ULK4: variants seen among roughly 807,000 people sequenced by gnomAD.
ULK4 encodes the protein inactive serine/threonine-protein kinase ULK4.
ULK4 carries 133 observed loss-of-function variants against 160.6 expected under a neutral mutation model. The ratio of observed to expected loss-of-function variants is 0.83; its 90% CI spans 0.72 to 0.96. The LOEUF (loss-of-function observed/expected upper bound fraction) is 0.96. Among genes scored for constraint, ULK4 ranks in the 40% least tolerant of loss-of-function variants. ULK4 has a pLI of 0.00. For synonymous variants in ULK4, 534 were observed against 539.8 expected (o/e 0.99, Z 0.15); for missense variants, 1,580 against 1,499.5 (o/e 1.05, Z -0.89).
At chr3:41,278,930 A>C (rs1361256771) in intron 35 of ULK4, among the ~76,000 whole-genome samples, 1 of 152,182 alleles carries the variant, frequency 6.6e-6, no homozygotes, top group Admixed American at 6.5e-5. Context: ...GCGGAAAAAA[A>C]CTGGATGGAG....
At chr3:41,353,485 C>T (rs1390930410) in intron 35 of ULK4, among the ~76,000 whole-genome samples, 2 of 151,446 alleles carry the variant, frequency 1.3e-5, no homozygotes, top group African/African-American at 2.4e-5. Context: ...GGCAACATAG[C>T]GAGAGCCCAT....
rs35966217 is a variant in ULK4 at position 41,761,285 on chromosome 3, GTATA to G, written c.2194-6801_2194-6798del. Among the ~76,000 whole-genome samples, 583 of 147,200 alleles carry G rather than the reference GTATA, an allele frequency of 4.0e-3. 15 individuals carry two copies. Among genetic ancestry groups the G allele is most frequent in the Admixed American group, 0.03 (439 of 14,692 alleles). On this transcript the variant is annotated intron_variant, in intron 21 of 36. Coordinates refer to ENST00000301831, the MANE Select transcript of ULK4 (RefSeq NM_017886.4). ...AATTTAAAAATTAAAAAATAATATA[GTATA>G]TATAATATACACATAAAATACATTA...
intron 32 of ULK4, among the ~76,000 whole-genome samples, chr3:41,528,255 G>A (rs1260434424): frequency 3.9e-5 from 6 of 152,118 alleles, no homozygotes; most frequent in Non-Finnish European, 7.4e-5. Context: ...ATTCAAGCTG[G>A]AAATCACTTT....
intron 4 of ULK4, among the ~76,000 whole-genome samples, chr3:41,934,053 A>G (rs529486444): frequency 6.6e-6 from 1 of 152,126 alleles, no homozygotes; most frequent in African/African-American, 2.4e-5. Flanking sequence ...AAATAATAAT[A>G]AAATAAAAAA....
intron 1 of ULK4, among the ~76,000 whole-genome samples, chr3:41,956,153 T>C (rs62257276): frequency 0.033 from 5,053 of 152,338 alleles, 113 homozygotes; most frequent in Middle Eastern, 0.051. Context: ...GGCGTAGTCT[T>C]GGTTTGCAAC....
chr3:41,629,829 A>C (rs1575500998), intron 30 of ULK4, among the ~76,000 whole-genome samples: 1 of 85,672 alleles, frequency 1.2e-5, no homozygotes, highest in African/African-American at 6.8e-5. Flanking sequence ...GGTCTCTATA[A>C]AAAAAAAAAA....
At chr3:41,420,411 T>G (rs568444437) in intron 34 of ULK4, among the ~76,000 whole-genome samples, 2 of 151,660 alleles carry the variant, frequency 1.3e-5, no homozygotes, top group East Asian at 1.9e-4. Context: ...ACCTTTATTT[T>G]TGGCCATTTT....
intron 35 of ULK4, among the ~76,000 whole-genome samples, chr3:41,380,731 T>C (rs1243394540): frequency 1.3e-5 from 2 of 152,120 alleles, no homozygotes; most frequent in African/African-American, 4.8e-5. Context: ...TGGGCTCTCA[T>C]CTCTATGAGG....
intron 35 of ULK4, among the ~76,000 whole-genome samples, chr3:41,318,876 T>C (rs4973938): frequency 0.16 from 23,591 of 152,194 alleles, 2,190 homozygotes; most frequent in African/African-American, 0.25. Context: ...CTTTATAACC[T>C]GTAAAAGATG....
intron 22 of ULK4, among the ~76,000 whole-genome samples, chr3:41,719,689 T>C (rs1373784810): frequency 6.6e-6 from 1 of 152,176 alleles, no homozygotes; most frequent in Non-Finnish European, 1.5e-5. Flanking sequence ...CCTGGACTAT[T>C]ACAATAGGCT....
At chr3:41,657,835 A>AAAAAAAAAAAAAAAAAAAAAC (rs2035000764) in intron 30 of ULK4, among the ~76,000 whole-genome samples, 1 of 142,612 alleles carries the variant, frequency 7.0e-6, no homozygotes, top group African/African-American at 2.5e-5. Flanking sequence ...AAAAAAAAAA[A>AAAAAAAAAAAAAAAAAAAAAC]CACACACCAC....
chr3:41,606,862 C>A (rs921599078), intron 31 of ULK4, among the ~76,000 whole-genome samples: 4 of 152,028 alleles, frequency 2.6e-5, no homozygotes, highest in Admixed American at 2.0e-4. Flanking sequence ...GGACATTAGT[C>A]CCTTGTTGGA....
intron 16 of ULK4, among the ~76,000 whole-genome samples, chr3:41,892,503 T>C (rs1364376177): frequency 6.6e-6 from 1 of 152,202 alleles, no homozygotes; most frequent in Non-Finnish European, 1.5e-5. Flanking sequence ...CAACGGAATA[T>C]TATTCAGCCT....
In ULK4 at chr3:41,405,756, G is replaced by A. The variant is rs533161751; in HGVS notation, c.3493-7492C>T. Among the ~76,000 whole-genome samples the A allele has an allele frequency of 6.6e-5, 10 of 151,972 alleles. No individual in the cohort carries two copies. The East Asian group carries it at 9.6e-4, about 15-fold the overall frequency. ...GCACTTTTTCATATGCTTCTTGGCC[G>A]CTTGTATGTCTTCTTTTAAGAAATG... is the stretch of plus-strand genomic sequence containing the variant. On this transcript the variant is annotated intron_variant, in intron 34 of 36. Transcript: ENST00000301831.
At chr3:41,559,880 C>T (rs532202155) in intron 32 of ULK4, among the ~76,000 whole-genome samples, 5 of 152,170 alleles carry the variant, frequency 3.3e-5, no homozygotes, top group Admixed American at 2.6e-4. Flanking sequence ...AATTAGATCA[C>T]ATCTGTCTAT....
intron 21 of ULK4, among the ~76,000 whole-genome samples, chr3:41,763,327 G>C (rs1384265543): frequency 6.6e-6 from 1 of 152,148 alleles, no homozygotes; most frequent in Non-Finnish European, 1.5e-5. Flanking sequence ...AGAAATCAAT[G>C]AGGTGGGAAA....
At chr3:41,859,318 A>G (rs951007204) in intron 17 of ULK4, 1 of 589,046 alleles carries the variant, frequency 1.7e-6, no homozygotes, top group Non-Finnish European at 3.3e-6. Flanking sequence ...CGTGACCTCA[A>G]AGACTGAGCA....
At chr3:41,625,051 G>A (rs954195567) in intron 30 of ULK4, among the ~76,000 whole-genome samples, 1 of 152,160 alleles carries the variant, frequency 6.6e-6, no homozygotes, top group Non-Finnish European at 1.5e-5. Flanking sequence ...AGCAAGTAAG[G>A]AAGAAGGGTG....
rs571686049 is a variant in ULK4, at chr3:41,484,513, T to C, written c.3227-21260A>G. On this transcript the variant is annotated intron_variant, in intron 32 of 36. Transcript: ENST00000301831. Reference sequence around the variant, plus strand: ...TGTCACCCAGGCTGGAGTGCAGTGGTGCAATCTCGGCTCACTGCAAGCTCC... The same window carrying C: ...TGTCACCCAGGCTGGAGTGCAGTGGCGCAATCTCGGCTCACTGCAAGCTCC... 6.7e-4 allele frequency among the ~76,000 whole-genome samples: 99 copies of C among 148,746 alleles called. 2 individuals are homozygous for C. Among genetic ancestry groups the C allele is most frequent in the East Asian group, 3.9e-3 (20 of 5,098 alleles).
Sources: gnomAD v4.1 joint callset for allele counts (sites outside exome capture counted in the v4.1 genomes callset) on GRCh38, gnomAD v4.1.1 for gene constraint, MANE v1.5 for transcripts, NCBI Gene and HGNC (gene_info 2026-07-23, HGNC 2026-07-21) for gene names.